Variants in CDH12 observed in about 807,000 individuals in gnomAD.
CDH12 encodes the protein cadherin 12.
A neutral mutation model predicts 74.1 loss-of-function variants in CDH12; 41 were observed. The observed-to-expected ratio is 0.55, with a 90% CI of 0.43 to 0.72. The LOEUF (loss-of-function observed/expected upper bound fraction) is 0.72. Among genes scored for constraint, CDH12 ranks in the 30% least tolerant of loss-of-function variants. CDH12 has a pLI of 0.00. For synonymous variants in CDH12, 399 were observed against 355.0 expected, an observed-to-expected ratio of 1.12 and a Z score of -1.39; for missense variants, 945 against 977.2, an observed-to-expected ratio of 0.97 and a Z score of 0.44.
intron 2 of CDH12, among the ~76,000 whole-genome samples, chr5:22,494,611 T>C (rs550556817): frequency 6.6e-6 from 1 of 152,338 alleles, no homozygotes; most frequent in African/African-American, 2.4e-5. Flanking sequence ...CTTGTTTATA[T>C]CAAGTAGCGT....
At chr5:22,117,512 A>ATAAT (rs1554012043) in intron 4 of CDH12, among the ~76,000 whole-genome samples, 36 of 58,576 alleles carry the variant, frequency 6.1e-4, no homozygotes, top group East Asian at 3.2e-3. Context: ...ATATATATAT[A>ATAAT]ATATATATAT....
intron 4 of CDH12, among the ~76,000 whole-genome samples, chr5:22,192,663 G>A (rs1156235958): frequency 2.0e-5 from 3 of 152,090 alleles, no homozygotes; most frequent in Non-Finnish European, 2.9e-5. Flanking sequence ...AGAAAAGAAT[G>A]GTGAGAGGTA....
chr5:22,453,327 TC>T (rs1391414084), intron 2 of CDH12, among the ~76,000 whole-genome samples: 3 of 152,094 alleles, frequency 2.0e-5, no homozygotes, highest in Non-Finnish European at 2.9e-5. Flanking sequence ...AAAAATGAGA[TC>T]AACCTAAGTG....
intron 1 of CDH12, among the ~76,000 whole-genome samples, chr5:22,805,695 C>A (rs1748746123): frequency 6.6e-6 from 1 of 151,996 alleles, no homozygotes; most frequent in Non-Finnish European, 1.5e-5. Flanking sequence ...TTCTGGGGTA[C>A]ATGTGCAGAA....
intron 4 of CDH12, among the ~76,000 whole-genome samples, chr5:22,124,546 T>C (rs976157896): frequency 1.1e-4 from 16 of 152,200 alleles, no homozygotes; most frequent in African/African-American, 3.4e-4. Context: ...TTACACATTT[T>C]ATTGCACATA....
chr5:22,121,708 A>T (rs1353883396), intron 4 of CDH12, among the ~76,000 whole-genome samples: 1 of 152,088 alleles, frequency 6.6e-6, no homozygotes, highest in African/African-American at 2.4e-5. Context: ...CTTTTTTCAT[A>T]TAAAGGGCTA....
intron 4 of CDH12, among the ~76,000 whole-genome samples, chr5:22,093,522 G>A (rs532015708): frequency 6.6e-6 from 1 of 152,268 alleles, no homozygotes; most frequent in East Asian, 1.9e-4. Context: ...AGTTATAAAA[G>A]ATTACATATT....
chr5:22,264,278 T>C (rs1238852381), intron 3 of CDH12, among the ~76,000 whole-genome samples: 1 of 151,602 alleles, frequency 6.6e-6, no homozygotes, highest in Non-Finnish European at 1.5e-5. Flanking sequence ...TAAACACACA[T>C]ACACAAACCC....
At chr5:21,876,994 G>C (rs567321169) in intron 6 of CDH12, among the ~76,000 whole-genome samples, 6 of 152,332 alleles carry the variant, frequency 3.9e-5, no homozygotes, top group Admixed American at 6.5e-5. Context: ...GTGGAGACCA[G>C]GAATTGGAGA....
At chr5:22,479,777 C>T (rs1006617500) in intron 2 of CDH12, among the ~76,000 whole-genome samples, 1 of 152,120 alleles carries the variant, frequency 6.6e-6, no homozygotes, top group African/African-American at 2.4e-5. Flanking sequence ...GAAATGAGCG[C>T]ACATTTGTTT....
chr5:22,845,593 T>C (rs1737265159), intron 1 of CDH12, among the ~76,000 whole-genome samples: 1 of 152,076 alleles, frequency 6.6e-6, no homozygotes, highest in South Asian at 2.1e-4. Flanking sequence ...TAAAATGAAG[T>C]TGGATAAGGG....
intron 1 of CDH12, among the ~76,000 whole-genome samples, chr5:22,524,871 T>C (rs975105946): frequency 9.2e-5 from 14 of 152,084 alleles, no homozygotes; most frequent in Non-Finnish European, 4.4e-5. Context: ...GCAGGTTTGT[T>C]ACATATGTAT....
chr5:21,995,067 A>G (rs1245424065), intron 5 of CDH12, among the ~76,000 whole-genome samples: 1 of 152,116 alleles, frequency 6.6e-6, no homozygotes, highest in Non-Finnish European at 1.5e-5. Context: ...ACCTGAAGTT[A>G]GTGAGACCAG....
intron 3 of CDH12, among the ~76,000 whole-genome samples, chr5:22,253,283 T>A (rs1183528008): frequency 6.6e-6 from 1 of 151,960 alleles, no homozygotes; most frequent in East Asian, 1.9e-4. Context: ...AAAGTGACTA[T>A]TTTTCCTTCA....
intron 1 of CDH12, among the ~76,000 whole-genome samples, chr5:22,543,635 A>T (rs1049925111): frequency 6.6e-6 from 1 of 151,728 alleles, no homozygotes; most frequent in African/African-American, 2.4e-5. Flanking sequence ...GAAAATTAGT[A>T]AAAAAAAGGC....
At chr5:22,660,163 CA>C (rs1740270048) in intron 1 of CDH12, among the ~76,000 whole-genome samples, 1 of 152,028 alleles carries the variant, frequency 6.6e-6, no homozygotes, top group African/African-American at 2.4e-5. Context: ...CCACTCACAC[CA>C]AAACTGGATG....
At chr5:22,052,107 A>G (rs146523396) in intron 5 of CDH12, among the ~76,000 whole-genome samples, 4 of 152,284 alleles carry the variant, frequency 2.6e-5, no homozygotes, top group Non-Finnish European at 5.9e-5. Context: ...TTAAAATGTG[A>G]TGAGGAAGAG....
chr5:22,022,802 T>C (rs1738072868), intron 5 of CDH12, among the ~76,000 whole-genome samples: 1 of 152,146 alleles, frequency 6.6e-6, no homozygotes, highest in Admixed American at 6.5e-5. Context: ...CTTCTGATAT[T>C]CCAAACTTTA....
At chr5:21,973,096 A>G (rs1340441003) in intron 6 of CDH12, among the ~76,000 whole-genome samples, 2 of 151,702 alleles carry the variant, frequency 1.3e-5, no homozygotes, top group Non-Finnish European at 2.9e-5. Context: ...ATGACTGGCT[A>G]TTAAGGAGGC....
Sources: allele counts gnomAD v4.1 joint callset (sites outside exome capture counted in the v4.1 genomes callset), GRCh38; gene constraint gnomAD v4.1.1; transcripts MANE v1.5; gene names NCBI Gene and HGNC (gene_info 2026-07-23, HGNC 2026-07-21).